Variants in RPRD1A observed in about 807,000 individuals in gnomAD.
The protein encoded by RPRD1A is regulation of nuclear pre-mRNA domain containing 1A, also known as regulation of nuclear pre-mRNA domain-containing protein 1A.
A neutral mutation model predicts 37.8 loss-of-function variants in RPRD1A; 9 were observed. The observed-to-expected ratio is 0.24, with a 90% CI of 0.14 to 0.42. The LOEUF (loss-of-function observed/expected upper bound fraction) is 0.42. RPRD1A is among the 10% of genes least tolerant of loss of function. RPRD1A has a pLI of 1.00. For missense variants in RPRD1A, 255 were observed against 371.0 expected (o/e 0.69, Z 2.57); for synonymous variants, 138 against 139.7 (o/e 0.99, Z 0.08).
rs756091999 is a variant in RPRD1A at position 35,989,996 on chromosome 18, T to C, written c.*3155A>G. On this transcript the variant is annotated 3_prime_UTR_variant, in exon 7 of 7. Coordinates refer to ENST00000399022, the MANE Select transcript of RPRD1A (RefSeq NM_018170.5). Reference sequence around the variant, plus strand: ...GAACAACAGTTGGCAACAAATGCTCTGTATAAATAATTCATTAAGTAACAC... The same window carrying C: ...GAACAACAGTTGGCAACAAATGCTCCGTATAAATAATTCATTAAGTAACAC... 1 of 152,350 alleles carries C rather than the reference T, an allele frequency of 6.6e-6. No homozygotes were observed. Among genetic ancestry groups the C allele is most frequent in the Non-Finnish European group, 1.5e-5 (1 of 68,036 alleles). 9.4% of individuals were successfully genotyped at this position (152,350 alleles called of 1,614,324 possible). A position where few individuals can be genotyped will look rare whatever the true frequency, so the allele number is the denominator to read the frequency against.
At chr18:36,010,895 A>G (rs971708553) in intron 6 of RPRD1A, among the ~76,000 whole-genome samples, 1 of 152,228 alleles carries the variant, frequency 6.6e-6, no homozygotes, top group Admixed American at 6.5e-5. Context: ...GATTCAACAT[A>G]TTGTTTAAAA....
At chr18:36,050,419 G>C (rs1340663727) in intron 1 of RPRD1A, among the ~76,000 whole-genome samples, 1 of 151,964 alleles carries the variant, frequency 6.6e-6, no homozygotes, top group Non-Finnish European at 1.5e-5. Context: ...TTAATGATTA[G>C]GTGCTACTGG....
At chr18:36,028,180 T>C (rs915319753) in intron 4 of RPRD1A, 1 of 152,082 alleles carries the variant, frequency 6.6e-6, no homozygotes, top group Admixed American at 6.6e-5. Context: ...ATTACACATA[T>C]GCTTTAAAAA....
At chr18:36,063,003 T>A (rs2088947196) in intron 1 of RPRD1A, 1 of 152,202 alleles carries the variant, frequency 6.6e-6, no homozygotes, top group Non-Finnish European at 1.5e-5. Context: ...TTACTGCATT[T>A]ATCAGGAAAA....
At chr18:36,066,193 G>A (rs1568159548) in intron 1 of RPRD1A, among the ~76,000 whole-genome samples, 1 of 152,140 alleles carries the variant, frequency 6.6e-6, no homozygotes, top group Non-Finnish European at 1.5e-5. Flanking sequence ...TTCTTCTCAA[G>A]GATGGGTGAC....
chr18:35,999,985 TG>T (rs749017448), intron 6 of RPRD1A, among the ~76,000 whole-genome samples: 1 of 152,178 alleles, frequency 6.6e-6, no homozygotes, highest in Non-Finnish European at 1.5e-5. Context: ...GTCCTGGAAT[TG>T]GGCCCTTTTC....
intron 6 of RPRD1A, among the ~76,000 whole-genome samples, chr18:36,021,578 A>C (rs1052854703): frequency 1.3e-5 from 2 of 152,218 alleles, no homozygotes; most frequent in Non-Finnish European, 2.9e-5. Flanking sequence ...ACTTTAAATC[A>C]AAAGCTAGAA....
chr18:36,034,060 G>A (rs915463788), intron 1 of RPRD1A, among the ~76,000 whole-genome samples: 1 of 151,740 alleles, frequency 6.6e-6, no homozygotes, highest in East Asian at 1.9e-4. Context: ...ACTCTATCCT[G>A]TATTAAATTT....
chr18:35,993,094 C>T lies in RPRD1A; in HGVS notation c.*57G>A. 1 of 1,508,996 alleles carries T rather than the reference C, an allele frequency of 6.6e-7. No homozygotes were observed. Among genetic ancestry groups the T allele is most frequent in the Non-Finnish European group, 9.0e-7 (1 of 1,107,090 alleles). 93.5% of individuals were successfully genotyped at this position (1,508,996 alleles called of 1,614,324 possible). On this transcript the variant is annotated 3_prime_UTR_variant, in exon 7 of 7. Coordinates refer to ENST00000399022, the MANE Select transcript of RPRD1A (RefSeq NM_018170.5). Reference sequence around the variant, plus strand: ...ACAAAAATAACACTACAGGACTATCCACCTAACCTGTCTCCATCTCTTGCA... The same window carrying T: ...ACAAAAATAACACTACAGGACTATCTACCTAACCTGTCTCCATCTCTTGCA...
Position 36,067,540 on chromosome 18 carries a change from C to G in RPRD1A, c.-136G>C. ...CCACGGCCGCCGCTTCATCCAAGAC[C>G]GGCCGCAAACCAGCAAGATGGCGTC... On this transcript the variant is annotated 5_prime_UTR_variant, in exon 1 of 7. Coordinates refer to ENST00000399022, the MANE Select transcript of RPRD1A (RefSeq NM_018170.5). 1.2e-6 allele frequency: 1 copy of G among 854,326 alleles called. No individual in the cohort carries two copies. The highest frequency in any genetic ancestry group is 2.0e-5 in the South Asian group (1 of 51,074). 52.9% of individuals were successfully genotyped at this position (854,326 alleles called of 1,614,324 possible). A position where few individuals can be genotyped will look rare whatever the true frequency, so the allele number is the denominator to read the frequency against.
At chr18:36,019,966 G>A (rs1457237344) in intron 6 of RPRD1A, among the ~76,000 whole-genome samples, 5 of 152,188 alleles carry the variant, frequency 3.3e-5, no homozygotes, top group Admixed American at 6.5e-5. Flanking sequence ...CTTGAACCCA[G>A]GAGGCAGAGG....
intron 1 of RPRD1A, among the ~76,000 whole-genome samples, chr18:36,048,321 C>T (rs1913110730): frequency 1.3e-5 from 2 of 152,158 alleles, no homozygotes. Flanking sequence ...CCATCTCAGC[C>T]TCCCAAAGTG....
At chr18:36,011,886 T>G (rs1910202267) in intron 6 of RPRD1A, among the ~76,000 whole-genome samples, 1 of 152,236 alleles carries the variant, frequency 6.6e-6, no homozygotes, top group Admixed American at 6.5e-5. Context: ...AGATCAATCT[T>G]GGTCCAAAAC....
At chr18:36,015,579 T>C (rs112877497) in intron 6 of RPRD1A, among the ~76,000 whole-genome samples, 1 of 152,196 alleles carries the variant, frequency 6.6e-6, no homozygotes, top group African/African-American at 2.4e-5. Flanking sequence ...AACCCAAGTA[T>C]ACAGCCATGG....
At chr18:36,022,311 A>T (rs1311383598) in intron 6 of RPRD1A, among the ~76,000 whole-genome samples, 1 of 152,222 alleles carries the variant, frequency 6.6e-6, no homozygotes, top group African/African-American at 2.4e-5. Flanking sequence ...CAAGTTACCC[A>T]GAGGCTCTAG....
chr18:36,048,519 A>C (rs1913127234), intron 1 of RPRD1A, among the ~76,000 whole-genome samples: 1 of 152,226 alleles, frequency 6.6e-6, no homozygotes, highest in African/African-American at 2.4e-5. Context: ...CAGACTAAAA[A>C]GAAAAACTGC....
intron 6 of RPRD1A, among the ~76,000 whole-genome samples, chr18:36,018,900 TG>T (rs1408244847): frequency 6.6e-6 from 1 of 151,752 alleles, no homozygotes; most frequent in Non-Finnish European, 1.5e-5. Flanking sequence ...TAAACCTGAG[TG>T]GAAAAGGAAC....
intron 6 of RPRD1A, among the ~76,000 whole-genome samples, chr18:36,015,204 A>ACACACC (rs397724867): frequency 7.7e-6 from 1 of 130,646 alleles, no homozygotes; most frequent in African/African-American, 3.2e-5. Flanking sequence ...ACACACACAC[A>ACACACC]TTCACATACT....
chr18:36,039,811 C>G (rs1160635895), intron 1 of RPRD1A, among the ~76,000 whole-genome samples: 1 of 152,084 alleles, frequency 6.6e-6, no homozygotes, highest in African/African-American at 2.4e-5. Context: ...GGGAAACCTT[C>G]TACATGGAAA....
Sources: allele counts gnomAD v4.1 joint callset (sites outside exome capture counted in the v4.1 genomes callset), GRCh38; gene constraint gnomAD v4.1.1; transcripts MANE v1.5; gene names NCBI Gene and HGNC (gene_info 2026-07-23, HGNC 2026-07-21).